Variants in ELOVL5 observed in about 807,000 individuals in gnomAD.
ELOVL5 encodes very long chain fatty acid elongase 5.
In ELOVL5, 8 loss-of-function variants were observed where a neutral mutation model predicts 38.6. The ratio of observed to expected loss-of-function variants is 0.21; its 90% CI spans 0.12 to 0.37. The LOEUF (loss-of-function observed/expected upper bound fraction) is 0.37. ELOVL5 is among the 10% of genes least tolerant of loss of function. The pLI is 1.00. For missense variants in ELOVL5, 280 were observed against 367.8 expected (o/e 0.76, Z 1.95); for synonymous variants, 127 against 133.7 (o/e 0.95, Z 0.34).
At chr6:53,342,886 C>T (rs565506495) in intron 1 of ELOVL5, among the ~76,000 whole-genome samples, 1 of 152,282 alleles carries the variant, frequency 6.6e-6, no homozygotes, top group Admixed American at 6.5e-5. Context: ...GGAATTTAGT[C>T]TTTCTAAAAG....
intron 3 of ELOVL5, among the ~76,000 whole-genome samples, chr6:53,278,310 A>G (rs1430874874): frequency 1.3e-5 from 2 of 152,098 alleles, no homozygotes. Flanking sequence ...CTATCTTGGC[A>G]GGGGTGGGGA....
At chr6:53,301,921 A>G (rs1013397444) in intron 1 of ELOVL5, among the ~76,000 whole-genome samples, 3 of 152,166 alleles carry the variant, frequency 2.0e-5, no homozygotes, top group African/African-American at 4.8e-5. Context: ...AAACTACCCT[A>G]TATTTAAAGA....
chr6:53,334,198 C>A (rs1343627940), intron 1 of ELOVL5, among the ~76,000 whole-genome samples: 1 of 152,030 alleles, frequency 6.6e-6, no homozygotes, highest in Non-Finnish European at 1.5e-5. Context: ...CAAGCAGAAC[C>A]CATTTCCCCT....
intron 1 of ELOVL5, among the ~76,000 whole-genome samples, chr6:53,320,358 A>T (rs1277080293): frequency 2.6e-5 from 4 of 151,218 alleles, no homozygotes; most frequent in African/African-American, 9.7e-5. Context: ...TTTTTTTGAG[A>T]CATAGTTGCG....
chr6:53,321,291 C>T (rs549778874), intron 1 of ELOVL5, among the ~76,000 whole-genome samples: 7 of 152,326 alleles, frequency 4.6e-5, no homozygotes, highest in South Asian at 4.1e-4. Context: ...AGACATCATG[C>T]GCATCACCAT....
At chr6:53,281,519 C>T (rs975326527) in intron 3 of ELOVL5, among the ~76,000 whole-genome samples, 1 of 152,150 alleles carries the variant, frequency 6.6e-6, no homozygotes, top group Non-Finnish European at 1.5e-5. Flanking sequence ...GCATCTTTGC[C>T]CTTCTTCATC....
At chr6:53,275,412 AG>A in intron 4 of ELOVL5, 151 bp from the exon 5 acceptor site, 1 of 720,278 alleles carries the variant, frequency 1.4e-6, no homozygotes, top group South Asian at 1.8e-5. Flanking sequence ...AGTGGCTGGG[AG>A]CTATGGTCAC....
chr6:53,300,339 G>A (rs1234587530), intron 1 of ELOVL5, among the ~76,000 whole-genome samples: 2 of 152,086 alleles, frequency 1.3e-5, no homozygotes, highest in African/African-American at 2.4e-5. Flanking sequence ...CACACACCGA[G>A]TGCCTACCAC....
chr6:53,306,520 G>C (rs1045589151), intron 1 of ELOVL5, among the ~76,000 whole-genome samples: 1 of 151,934 alleles, frequency 6.6e-6, no homozygotes, highest in African/African-American at 2.4e-5. Flanking sequence ...CTCAGATATA[G>C]AACATTTTTT....
intron 3 of ELOVL5, among the ~76,000 whole-genome samples, chr6:53,284,525 T>C (rs1766491541): frequency 6.6e-6 from 1 of 151,888 alleles, no homozygotes; most frequent in Admixed American, 6.6e-5. Flanking sequence ...AAAATAATGG[T>C]TACAAAAATT....
At chr6:53,273,429 C>G in intron 5 of ELOVL5, 85 bp from the exon 6 acceptor site, 1 of 1,264,084 alleles carries the variant, frequency 7.9e-7, no homozygotes, top group Non-Finnish European at 1.1e-6. Flanking sequence ...ATACAAGATT[C>G]TTTTTGAATC....
intron 1 of ELOVL5, among the ~76,000 whole-genome samples, chr6:53,319,878 T>G (rs117093978): frequency 1.3e-5 from 2 of 152,282 alleles, no homozygotes; most frequent in East Asian, 3.9e-4. Flanking sequence ...GTAAACACTT[T>G]ATATTTTCAG....
chr6:53,319,293 A>G (rs1581974237), intron 1 of ELOVL5, among the ~76,000 whole-genome samples: 3 of 36,208 alleles, frequency 8.3e-5, no homozygotes, highest in East Asian at 9.8e-4. Flanking sequence ...AAAAAAAAAA[A>G]AAAAAAAAAA....
chr6:53,303,191 C>A (rs1222770172), intron 1 of ELOVL5, among the ~76,000 whole-genome samples: 1 of 152,126 alleles, frequency 6.6e-6, no homozygotes, highest in Admixed American at 6.5e-5. Context: ...TAAAACCACA[C>A]CTTGCTGAGG....
chr6:53,306,707 G>T (rs1370707775), intron 1 of ELOVL5, among the ~76,000 whole-genome samples: 2 of 152,236 alleles, frequency 1.3e-5, no homozygotes, highest in Middle Eastern at 3.4e-3. Context: ...TCAGAAAAGG[G>T]TTCACCACTG....
intron 6 of ELOVL5, among the ~76,000 whole-genome samples, chr6:53,271,765 C>T (rs142183470): frequency 6.6e-6 from 1 of 151,976 alleles, no homozygotes; most frequent in East Asian, 1.9e-4. Flanking sequence ...TGGCTGTTTG[C>T]CTTCTCTTTT....
At chr6:53,309,597 C>T (rs763342404) in intron 1 of ELOVL5, among the ~76,000 whole-genome samples, 6 of 152,120 alleles carry the variant, frequency 3.9e-5, no homozygotes, top group Non-Finnish European at 7.4e-5. Flanking sequence ...TGCCCTTTCC[C>T]GATGAACCAG....
chr6:53,329,905 C>A (rs944240332), intron 1 of ELOVL5, among the ~76,000 whole-genome samples: 2 of 152,126 alleles, frequency 1.3e-5, no homozygotes, highest in Non-Finnish European at 2.9e-5. Context: ...AAAAACTGCA[C>A]GTAGAATTTT....
chr6:53,313,299 T>C (rs1416107282), intron 1 of ELOVL5, among the ~76,000 whole-genome samples: 1 of 152,234 alleles, frequency 6.6e-6, no homozygotes, highest in Non-Finnish European at 1.5e-5. Context: ...TACTGCTTTA[T>C]ATAAGTTCCT....
Sources: allele counts gnomAD v4.1 joint callset (sites outside exome capture counted in the v4.1 genomes callset), GRCh38; gene constraint gnomAD v4.1.1; transcripts MANE v1.5; gene names NCBI Gene and HGNC (gene_info 2026-07-23, HGNC 2026-07-21).